The following VWA3B variants were observed in gnomAD, a reference collection of about 807,000 sequenced individuals.
The protein encoded by VWA3B is von Willebrand factor A domain-containing protein 3B.
A neutral mutation model predicts 158.3 loss-of-function variants in VWA3B; 138 were observed. The observed-to-expected ratio is 0.87, with a 90% CI of 0.76 to 1.00. The LOEUF is 1.00. VWA3B is among the 50% of genes least tolerant of loss of function. The pLI, the probability that VWA3B is intolerant of heterozygous loss-of-function variation, is 0.00. For missense variants in VWA3B, 1,555 were observed against 1,565.1 expected (o/e 0.99, Z 0.11); for synonymous variants, 596 against 587.3 (o/e 1.01, Z -0.21).
At position 98,209,489 on chromosome 2, in the gene VWA3B, C is replaced by T. The variant is rs1208551852; in HGVS notation, c.1738-2441C>T. On this transcript the variant is annotated intron_variant, in intron 12 of 27. Coordinates refer to ENST00000477737, the MANE Select transcript of VWA3B (RefSeq NM_144992.5). ...TAGAGACAGTGTTTCACCATGTTAG[C>T]CAGGATGCTCTCGATCTCCTGACCT... Among the ~76,000 whole-genome samples, 5 of 152,142 alleles carry T rather than the reference C, an allele frequency of 3.3e-5. 1 individual carries two copies. Among genetic ancestry groups the T allele is most frequent in the Admixed American group, 3.3e-4 (5 of 15,272 alleles).
At chr2:98,282,970 A>T (rs1177324021) in intron 22 of VWA3B, among the ~76,000 whole-genome samples, 1 of 152,226 alleles carries the variant, frequency 6.6e-6, no homozygotes, top group Non-Finnish European at 1.5e-5. Flanking sequence ...TATCAGAAGA[A>T]TTGGGAAGTG....
At chr2:98,107,566 A>G (rs773583384) in intron 2 of VWA3B, among the ~76,000 whole-genome samples, 1 of 152,162 alleles carries the variant, frequency 6.6e-6, no homozygotes, top group Non-Finnish European at 1.5e-5. Context: ...TTAAACAGAT[A>G]TAGGACTAGT....
At chr2:98,182,765 C>T (rs368390771) in intron 9 of VWA3B, among the ~76,000 whole-genome samples, 1 of 151,816 alleles carries the variant, frequency 6.6e-6, no homozygotes, top group Non-Finnish European at 1.5e-5. Flanking sequence ...ACTAAAAATA[C>T]AAAAATTAGC....
At chr2:98,154,357 T>C (rs1573924461) in intron 7 of VWA3B, among the ~76,000 whole-genome samples, 1 of 152,196 alleles carries the variant, frequency 6.6e-6, no homozygotes, top group East Asian at 1.9e-4. Context: ...GACTTAGGGG[T>C]TGTTCCTTCC....
intron 23 of VWA3B, among the ~76,000 whole-genome samples, chr2:98,294,203 C>CAAAAAAAAAAAAA (rs751689571): frequency 5.3e-5 from 3 of 56,296 alleles, no homozygotes; most frequent in East Asian, 7.1e-4. Context: ...CACACACACA[C>CAAAAAAAAAAAAA]AAAAAAAAAA....
intron 2 of VWA3B, among the ~76,000 whole-genome samples, chr2:98,100,796 T>C (rs1683025877): frequency 6.6e-6 from 1 of 152,134 alleles, no homozygotes; most frequent in Admixed American, 6.5e-5. Flanking sequence ...CTGCCTGGGG[T>C]TCAGGGAGGG....
At chr2:98,266,327 C>G (rs559349730) in intron 21 of VWA3B, among the ~76,000 whole-genome samples, 2 of 151,112 alleles carry the variant, frequency 1.3e-5, no homozygotes, top group East Asian at 1.9e-4. Flanking sequence ...GCTTGTTTTT[C>G]TCAGGTTTGT....
downstream of VWA3B, among the ~76,000 whole-genome samples, chr2:98,317,218 T>C (rs1293474382): frequency 6.6e-6 from 1 of 152,208 alleles, no homozygotes; most frequent in Non-Finnish European, 1.5e-5. Context: ...AAGATGATAG[T>C]TCCCCCTGAG....
intron 6 of VWA3B, among the ~76,000 whole-genome samples, chr2:98,129,193 TGAGA>T (rs1353129339): frequency 1.7e-5 from 2 of 118,294 alleles, no homozygotes; most frequent in East Asian, 2.3e-4. Context: ...AGAGAGAGAG[TGAGA>T]GAGAGAGAGG....
chr2:98,246,208 C>T (rs959869391), intron 19 of VWA3B, among the ~76,000 whole-genome samples: 2 of 152,052 alleles, frequency 1.3e-5, no homozygotes, highest in East Asian at 3.8e-4. Flanking sequence ...GAAGTAACCA[C>T]TATTGATAGT....
intron 13 of VWA3B, chr2:98,216,988 C>CCCCCT (rs546622410): frequency 1.6e-5 from 20 of 1,250,528 alleles, no homozygotes; most frequent in Non-Finnish European, 2.0e-5. Context: ...AAGCACCCGC[C>CCCCCT]CCGCACCCAG....
At chr2:98,182,857 A>T (rs1234288074) in intron 9 of VWA3B, among the ~76,000 whole-genome samples, 2 of 152,206 alleles carry the variant, frequency 1.3e-5, no homozygotes, top group Non-Finnish European at 2.9e-5. Flanking sequence ...GCAGTGAGCC[A>T]AGATTGCGCC....
chr2:98,107,985 A>T (rs892633617), intron 2 of VWA3B, among the ~76,000 whole-genome samples: 3 of 151,764 alleles, frequency 2.0e-5, no homozygotes, highest in Non-Finnish European at 4.4e-5. Context: ...ATGTTTTCTT[A>T]TGTAAGCATT....
At position 98,262,516 on chromosome 2, in the gene VWA3B, G is replaced by C. The variant is rs75003411; in HGVS notation, c.2843+6342G>C. 2.4e-3 allele frequency among the ~76,000 whole-genome samples: 371 copies of C among 151,864 alleles called. 1 individual carries two copies. Among genetic ancestry groups the C allele is most frequent in the African/African-American group, 8.5e-3 (352 of 41,472 alleles). ...ACCAGTTTCCCCAGAATCACTTCTT[G>C]GAGAGACTGTCGTTTTTCCTTTGTG... On this transcript the variant is annotated intron_variant, in intron 21 of 27. Coordinates refer to ENST00000477737, the MANE Select transcript of VWA3B (RefSeq NM_144992.5).
chr2:98,180,937 A>G (rs1574004999), intron 8 of VWA3B, 79 bp from the exon 9 acceptor site: 1 of 1,390,346 alleles, frequency 7.2e-7, no homozygotes, highest in East Asian at 2.4e-5. Context: ...AACACGTTCC[A>G]AGTTGGTCAA....
chr2:98,290,126 CA>C (rs1381569383), intron 22 of VWA3B, among the ~76,000 whole-genome samples: 2 of 152,110 alleles, frequency 1.3e-5, no homozygotes, highest in African/African-American at 4.8e-5. Flanking sequence ...GTTTAATTGA[CA>C]CAGTTCATAG....
chr2:98,322,319 A>G, the VWA3B span, among the ~76,000 whole-genome samples: 1 of 152,132 alleles, frequency 6.6e-6, no homozygotes, highest in Admixed American at 6.5e-5. Flanking sequence ...GCACTCCCCA[A>G]CTTTCAGGGT....
At chr2:98,183,189 C>CTTTTTTTTTT (rs1244544813) in intron 9 of VWA3B, among the ~76,000 whole-genome samples, 33 of 124,598 alleles carry the variant, frequency 2.6e-4, no homozygotes, top group African/African-American at 9.7e-4. Context: ...GTACAGCTCC[C>CTTTTTTTTTT]TTTTTTTTTT....
Position 98,230,174 on chromosome 2 carries a change from C to T in VWA3B, c.2275C>T (p.Gln759Ter). The change falls in exon 16 of 28, where the codon CAA (glutamine) becomes TAA (stop). Residue 759 changes from glutamine (Q) to a stop codon, truncating the protein, a stop_gained. Transcript: ENST00000477737. LOFTEE classifies it high-confidence loss of function. ...MLKGPWGLSDQKVQKKKVLHA... is the reference protein window; with the variant it reads ...MLKGPWGLSD ...GAAGGGACCATGGGGCCTTTCAGAT[C>T]AAAAGGTTCAGAAAAAGAAAGTCCT... 2 of 1,589,122 alleles carry T rather than the reference C, an allele frequency of 1.3e-6. No homozygotes were observed. Among genetic ancestry groups the T allele is most frequent in the Non-Finnish European group, 1.7e-6 (2 of 1,173,358 alleles).
Sources: allele counts gnomAD v4.1 joint callset (sites outside exome capture counted in the v4.1 genomes callset), GRCh38; gene constraint gnomAD v4.1.1; transcripts MANE v1.5; gene names NCBI Gene and HGNC (gene_info 2026-07-23, HGNC 2026-07-21).